CNTN3: variants seen among roughly 807,000 people sequenced by gnomAD.
CNTN3 encodes the protein contactin-3.
A neutral mutation model predicts 119.1 loss-of-function variants in CNTN3; 60 were observed. The observed-to-expected ratio is 0.50, with a 90% CI of 0.41 to 0.62. CNTN3 has a LOEUF of 0.62. Among genes scored for constraint, CNTN3 ranks in the 20% least tolerant of loss-of-function variants. CNTN3 has a pLI of 0.00. For synonymous variants in CNTN3, 450 were observed against 438.7 expected (o/e 1.03, Z -0.32); for missense variants, 1,101 against 1,242.4 (o/e 0.89, Z 1.71).
At chr3:74,581,263 T>C (rs905143492) in intron 1 of CNTN3, among the ~76,000 whole-genome samples, 1 of 152,286 alleles carries the variant, frequency 6.6e-6, no homozygotes, top group Middle Eastern at 3.4e-3. Flanking sequence ...ACTTGAATGA[T>C]ACTGTGAATT....
intron 1 of CNTN3, among the ~76,000 whole-genome samples, chr3:74,591,792 A>G (rs1201526110): frequency 6.6e-6 from 1 of 151,934 alleles, no homozygotes; most frequent in East Asian, 1.9e-4. Context: ...GTTCAGGTTC[A>G]GACATCCTTG....
intron 13 of CNTN3, 37 bp from the exon 14 acceptor site, chr3:74,302,844 T>G: frequency 7.3e-7 from 1 of 1,365,432 alleles, no homozygotes; most frequent in Non-Finnish European, 1.0e-6. Flanking sequence ...ACTGTTATTT[T>G]TTTAAAAAAC....
chr3:74,303,114 G>T (rs1202027874), intron 13 of CNTN3, among the ~76,000 whole-genome samples: 1 of 152,178 alleles, frequency 6.6e-6, no homozygotes, highest in Non-Finnish European at 1.5e-5. Context: ...TTGCACCAGG[G>T]TGACACTTCT....
At chr3:74,306,763 T>C (rs1468329018) in intron 13 of CNTN3, among the ~76,000 whole-genome samples, 1 of 152,096 alleles carries the variant, frequency 6.6e-6, no homozygotes, top group African/African-American at 2.4e-5. Context: ...ACAAATTGAG[T>C]TCCTTTTTCA....
chr3:74,364,050 A>G (rs917417641), intron 10 of CNTN3, among the ~76,000 whole-genome samples: 5 of 152,128 alleles, frequency 3.3e-5, no homozygotes, highest in Non-Finnish European at 7.4e-5. Context: ...CCAATGTGTC[A>G]AGCTTCTAAC....
chr3:74,360,457 G>GT (rs1197704619), intron 11 of CNTN3, among the ~76,000 whole-genome samples: 2 of 152,054 alleles, frequency 1.3e-5, no homozygotes, highest in Non-Finnish European at 2.9e-5. Flanking sequence ...CTAAGTTTCT[G>GT]TTTTTTCATT....
chr3:74,328,717 A>G (rs530297532), intron 13 of CNTN3, among the ~76,000 whole-genome samples: 1 of 152,304 alleles, frequency 6.6e-6, no homozygotes, highest in Non-Finnish European at 1.5e-5. Context: ...CAGGCAAATA[A>G]CTACACATCA....
At chr3:74,391,557 C>CTTTTTTTTT (rs554976641) in intron 5 of CNTN3, among the ~76,000 whole-genome samples, 1 of 87,030 alleles carries the variant, frequency 1.1e-5, no homozygotes, top group African/African-American at 4.7e-5. Flanking sequence ...CCCATAGTTT[C>CTTTTTTTTT]TTTTTTTTTT....
At chr3:74,440,318 G>C (rs1016002923) in intron 4 of CNTN3, among the ~76,000 whole-genome samples, 1 of 151,920 alleles carries the variant, frequency 6.6e-6, no homozygotes, top group Non-Finnish European at 1.5e-5. Context: ...TCCAATAAGA[G>C]ATCTCACTCT....
chr3:74,377,616 T>G (rs1704511192), intron 5 of CNTN3, among the ~76,000 whole-genome samples: 1 of 152,340 alleles, frequency 6.6e-6, no homozygotes, highest in South Asian at 2.1e-4. Context: ...ACAAGCACAT[T>G]ATGCCAAACG....
At chr3:74,357,810 TG>T (rs1392842577) in intron 11 of CNTN3, among the ~76,000 whole-genome samples, 1 of 152,128 alleles carries the variant, frequency 6.6e-6, no homozygotes, top group Non-Finnish European at 1.5e-5. Flanking sequence ...CTTCAAATTT[TG>T]TCATAAATAT....
chr3:74,428,460 G>A lies in CNTN3; in HGVS notation c.359-3520C>T, dbSNP rs77614335. 5.3e-4 allele frequency among the ~76,000 whole-genome samples: 9 copies of A among 16,860 alleles called. No individual in the cohort carries two copies. The East Asian group carries it at 8.2e-3, about 15-fold the overall frequency. 11.1% of individuals were successfully genotyped at this position (16,860 alleles called of 152,430 possible). A position where few individuals can be genotyped will look rare whatever the true frequency, so the allele number is the denominator to read the frequency against. On this transcript the variant is annotated intron_variant, in intron 4 of 22. Coordinates refer to ENST00000263665, the MANE Select transcript of CNTN3 (RefSeq NM_020872.3). Reference sequence around the variant, plus strand: ...TGACCCTGTGTAGGCCTAGGTTAACGTGTGTTTTTAAATGCTTTTGGCAAA... The same window carrying A: ...TGACCCTGTGTAGGCCTAGGTTAACATGTGTTTTTAAATGCTTTTGGCAAA...
chr3:74,538,691 G>C (rs1413616551), intron 1 of CNTN3, among the ~76,000 whole-genome samples: 1 of 152,102 alleles, frequency 6.6e-6, no homozygotes, highest in Non-Finnish European at 1.5e-5. Context: ...AGGATGTATG[G>C]ACATCCAGAC....
At chr3:74,537,720 C>T (rs1429864770) in intron 1 of CNTN3, among the ~76,000 whole-genome samples, 1 of 151,976 alleles carries the variant, frequency 6.6e-6, no homozygotes, top group African/African-American at 2.4e-5. Context: ...AAGTAGTTTC[C>T]AAAAAATCAC....
intron 13 of CNTN3, among the ~76,000 whole-genome samples, chr3:74,322,610 C>T (rs1703023044): frequency 6.6e-6 from 1 of 152,174 alleles, no homozygotes; most frequent in South Asian, 2.1e-4. Flanking sequence ...TAAACATACT[C>T]CTACCATAAG....
At chr3:74,285,020 T>A (rs192832278) in intron 20 of CNTN3, among the ~76,000 whole-genome samples, 69 of 152,302 alleles carry the variant, frequency 4.5e-4, no homozygotes, top group Admixed American at 9.8e-4. Flanking sequence ...TAAACCCAAC[T>A]AAGCTTATCA....
rs767686256 is a variant in CNTN3, at chr3:74,532,442, G to A, written c.-80-11250C>T. 1.3e-4 allele frequency among the ~76,000 whole-genome samples: 20 copies of A among 151,880 alleles called. 1 individual carries two copies. The highest frequency in any genetic ancestry group is 2.0e-4 in the Admixed American group (3 of 15,224). On this transcript the variant is annotated intron_variant, in intron 1 of 22. Coordinates refer to ENST00000263665, the MANE Select transcript of CNTN3 (RefSeq NM_020872.3). ...CCTATATATACATACCTATGATAAA[G>A]TTTAATTTAGAAATAAGACAGAGAT... is the stretch of plus-strand genomic sequence containing the variant.
At chr3:74,567,979 G>A (rs558532675) in intron 1 of CNTN3, among the ~76,000 whole-genome samples, 6 of 152,224 alleles carry the variant, frequency 3.9e-5, no homozygotes, top group African/African-American at 1.4e-4. Context: ...GTTACTAATT[G>A]AGGCCCTCTG....
chr3:74,509,542 C>G (rs1703327150), intron 2 of CNTN3, among the ~76,000 whole-genome samples: 1 of 152,168 alleles, frequency 6.6e-6, no homozygotes, highest in South Asian at 2.1e-4. Context: ...GTGATCCACC[C>G]ACCTTGGCTT....
Sources: allele counts gnomAD v4.1 joint callset (sites outside exome capture counted in the v4.1 genomes callset), GRCh38; gene constraint gnomAD v4.1.1; transcripts MANE v1.5; gene names NCBI Gene and HGNC (gene_info 2026-07-23, HGNC 2026-07-21).